IGSF3: variants seen among roughly 807,000 people sequenced by gnomAD.
IGSF3 encodes glu-Trp-Ile EWI motif-containing protein 3.
In IGSF3, 23 loss-of-function variants were observed where a neutral mutation model predicts 114.4. The ratio of observed to expected loss-of-function variants is 0.20; its 90% confidence interval spans 0.14 to 0.28. The LOEUF is 0.28. Among genes scored for constraint, IGSF3 ranks in the 10% least tolerant of loss-of-function variants. IGSF3 has a pLI of 1.00. For missense variants in IGSF3, 1,172 were observed against 1,591.5 expected, an observed-to-expected ratio of 0.74 and a Z score of 4.48; for synonymous variants, 571 against 645.2, an observed-to-expected ratio of 0.88 and a Z score of 1.74.
rs1445960755 is a variant in IGSF3, at chr1:116,596,012, G to A, written c.2029+3929C>T. Among the ~76,000 whole-genome samples, 1 of 152,216 alleles carries A rather than the reference G, an allele frequency of 6.6e-6. No homozygotes were observed. Among genetic ancestry groups the A allele is most frequent in the Non-Finnish European group, 1.5e-5 (1 of 68,044 alleles). Reference sequence around the variant, plus strand: ...ATGGCATTCCTTGAAGATTCTGTTGGGGATATGCATATGCAACAGGAAGCA... The same window carrying A: ...ATGGCATTCCTTGAAGATTCTGTTGAGGATATGCATATGCAACAGGAAGCA... On this transcript the variant is annotated intron_variant, in intron 7 of 10. Transcript: ENST00000369486. The surrounding 1 kb of genome is among the most constrained non-coding windows in gnomAD (Gnocchi z 4.1).
chr1:116,580,430 C>T (rs1046765200), intron 9 of IGSF3, among the ~76,000 whole-genome samples: 1 of 152,138 alleles, frequency 6.6e-6, no homozygotes, highest in African/African-American at 2.4e-5. Flanking sequence ...TCATAACCCA[C>T]GATGTGACTA....
chr1:116,590,125 G>A (rs77953883), intron 7 of IGSF3, among the ~76,000 whole-genome samples: 1 of 151,998 alleles, frequency 6.6e-6, no homozygotes, highest in East Asian at 1.9e-4. Flanking sequence ...AGTAAACCAC[G>A]GGACAAGGCA....
At chr1:116,606,676 A>G in intron 5 of IGSF3, 1 of 619,230 alleles carries the variant, frequency 1.6e-6, no homozygotes. Flanking sequence ...TCCTTAGAAA[A>G]CAATGAGGAA....
chr1:116,641,651 C>T (rs1222863910), intron 2 of IGSF3, among the ~76,000 whole-genome samples: 1 of 151,894 alleles, frequency 6.6e-6, no homozygotes, highest in African/African-American at 2.4e-5. Flanking sequence ...CAGCAGACAG[C>T]CGTTCAGAAC....
rs1660982984 is a variant in IGSF3 at position 116,610,590 on chromosome 1, A to C, written c.833-2259T>G. Among the ~76,000 whole-genome samples, 1 of 151,792 alleles carries C rather than the reference A, an allele frequency of 6.6e-6. No homozygotes were observed. Among genetic ancestry groups the C allele is most frequent in the South Asian group, 2.1e-4 (1 of 4,796 alleles). On this transcript the variant is annotated intron_variant, in intron 4 of 10. Coordinates refer to ENST00000369486, the MANE Select transcript of IGSF3 (RefSeq NM_001007237.3). The surrounding 1 kb of genome is among the most constrained non-coding windows in gnomAD (Gnocchi z 4.3). Reference sequence around the variant, plus strand: ...CCACCCTACCCCTACCCCCATCCTAACCAAAGGCTTTCCTCAAGCAGGTTG... The same window carrying C: ...CCACCCTACCCCTACCCCCATCCTACCCAAAGGCTTTCCTCAAGCAGGTTG...
chr1:116,641,495 C>CAAAAAAAAAAAAAAAAAAAAAAAAAAA (rs57930787), intron 2 of IGSF3, among the ~76,000 whole-genome samples: 1 of 40,694 alleles, frequency 2.5e-5, no homozygotes, highest in African/African-American at 8.8e-5. Flanking sequence ...GACTCTGTCT[C>CAAAAAAAAAAAAAAAAAAAAAAAAAAA]AAAAAAAAAA....
In IGSF3 at chr1:116,579,647, GGTCGTCGTCGTCGTC is replaced by G; in HGVS notation, c.3064_3078del (p.Asp1022_Asp1026del). On this transcript the variant is annotated inframe_deletion, in exon 10 of 11. Coordinates refer to ENST00000369486, the MANE Select transcript of IGSF3 (RefSeq NM_001007237.3). The surrounding 1 kb of genome is among the most constrained non-coding windows in gnomAD (Gnocchi z 6.4). The stretch of plus-strand genomic sequence containing the variant: ...CTCAGCAGGGCCGTCCGCTCTGTTG[GGTCGTCGTCGTCGTC>G]GTCGTCCTCCTCCTCCTCCTCCTCC... 1 of 1,595,814 alleles carries G rather than the reference GGTCGTCGTCGTCGTC, an allele frequency of 6.3e-7. No homozygotes were observed. The highest frequency in any genetic ancestry group is 8.6e-7 in the Non-Finnish European group (1 of 1,166,930).
chr1:116,594,958 G>A lies in IGSF3; in HGVS notation c.2029+4983C>T, dbSNP rs55726686. 0.083 allele frequency among the ~76,000 whole-genome samples: 12,474 copies of A among 150,640 alleles called. 578 individuals are homozygous for A. Among genetic ancestry groups the A allele is most frequent in the East Asian group, 0.13 (665 of 5,020 alleles). On this transcript the variant is annotated intron_variant, in intron 7 of 10. Transcript: ENST00000369486. This position sits in a 1 kb window ranked among gnomAD's most constrained non-coding sequence, Gnocchi z 5.2. ...CTGGCTCTGCCTCCACACCTGTAAC[G>A]CTTTTCTGCTCTCCTTTGTCCCTAG...
intron 7 of IGSF3, among the ~76,000 whole-genome samples, chr1:116,597,804 G>A (rs1461894522): frequency 6.6e-6 from 1 of 152,208 alleles, no homozygotes; most frequent in African/African-American, 2.4e-5. Context: ...TCCAATCTCA[G>A]TTCAAATCTC....
intron 6 of IGSF3, among the ~76,000 whole-genome samples, chr1:116,602,886 T>A (rs918696673): frequency 6.6e-6 from 1 of 152,218 alleles, no homozygotes; most frequent in African/African-American, 2.4e-5. Flanking sequence ...GAGAAGCAAA[T>A]CTAATCTTCC....
At position 116,600,326 on chromosome 1, in the gene IGSF3, T is replaced by C. The variant is rs1296055070; in HGVS notation, c.1644A>G (p.Thr548=). 1 of 1,609,230 alleles carries C rather than the reference T, an allele frequency of 6.2e-7. No homozygotes were observed. Among genetic ancestry groups the C allele is most frequent in the Non-Finnish European group, 8.5e-7 (1 of 1,177,012 alleles). The change falls in exon 7 of 11, where the codon ACA becomes ACG. Residue 548 remains threonine, a synonymous_variant. Coordinates refer to ENST00000369486, the MANE Select transcript of IGSF3 (RefSeq NM_001007237.3). This position sits in a 1 kb window ranked among gnomAD's most constrained non-coding sequence, Gnocchi z 5.5. ...ITALEMGFAV[T]AISRTPGVTY... Reference sequence around the variant, plus strand: ...TCACCCCCGGTGTCCGGGAGATGGCTGTGACTGCGAAGCCCATTTCTGGAG... The same window carrying C: ...TCACCCCCGGTGTCCGGGAGATGGCCGTGACTGCGAAGCCCATTTCTGGAG...
Position 116,577,480 on chromosome 1 carries a change from A to C in IGSF3, c.3417T>G (p.Ile1139Met). ...VFFYPFPIFG[I>M]LIITILLVRF... ...GCACCAGAAGGATGGTGATGATAAG[A>C]ATGCCAAAGATGGGGAAAGGGTAGA... Residue 1139 changes from isoleucine (I) to methionine (M), a missense_variant, in exon 11 of 11, where the codon ATT (isoleucine) becomes ATG (methionine). Physicochemically the swap from Ile to Met is conservative, Grantham distance 10. Around this residue, in one of 3 missense-constraint regions of IGSF3, gnomAD observed 423 missense variants for 509.8 expected, o/e 0.83. Coordinates refer to ENST00000369486, the MANE Select transcript of IGSF3 (RefSeq NM_001007237.3). This position sits in a 1 kb window ranked among gnomAD's most constrained non-coding sequence, Gnocchi z 5.7. 6.2e-7 allele frequency: 1 copy of C among 1,614,160 alleles called. No individual in the cohort carries two copies. The highest frequency in any genetic ancestry group is 8.5e-7 in the Non-Finnish European group (1 of 1,180,022).
rs76222434 is a variant in IGSF3, at chr1:116,581,992, A to G, written c.2849-2115T>C. ...AGTGGAACTTATCATGGCCAGGGGCAAGATGGCCAGAGACCATCAGTTGAG... is the reference window on the plus strand; with the variant it reads ...AGTGGAACTTATCATGGCCAGGGGCGAGATGGCCAGAGACCATCAGTTGAG... On this transcript the variant is annotated intron_variant, in intron 9 of 10. Coordinates refer to ENST00000369486, the MANE Select transcript of IGSF3 (RefSeq NM_001007237.3). Among the ~76,000 whole-genome samples, 698 of 152,330 alleles carry G rather than the reference A, an allele frequency of 4.6e-3. 4 individuals carry two copies. The highest frequency in any genetic ancestry group is 8.1e-3 in the Admixed American group (124 of 15,310).
rs1378384436 is a variant in IGSF3, at chr1:116,648,123, T to C, written c.43+18161A>G. ...CCTCTCAAAAAAAGAAAAAAAAGAG[T>C]GGCTACCCAAGAACGCAACAGCAGC... On this transcript the variant is annotated intron_variant, in intron 2 of 10. Coordinates refer to ENST00000369486, the MANE Select transcript of IGSF3 (RefSeq NM_001007237.3). This position sits in a 1 kb window ranked among gnomAD's most constrained non-coding sequence, Gnocchi z 4.7. Among the ~76,000 whole-genome samples the C allele has an allele frequency of 2.0e-5, 3 of 151,308 alleles. No homozygotes were observed. The highest frequency in any genetic ancestry group is 6.6e-5 in the Admixed American group (1 of 15,190).
intron 2 of IGSF3, among the ~76,000 whole-genome samples, chr1:116,641,648 C>T (rs1648109759): frequency 6.6e-6 from 1 of 151,848 alleles, no homozygotes. Context: ...CTGCAGCAGA[C>T]AGCCGTTCAG....
At chr1:116,626,096 C>T (rs2101032255) in intron 2 of IGSF3, among the ~76,000 whole-genome samples, 1 of 152,286 alleles carries the variant, frequency 6.6e-6, no homozygotes, top group African/African-American at 2.4e-5. Context: ...TTTAAACATG[C>T]TACTATTTAC....
chr1:116,576,859 T>C lies in IGSF3; in HGVS notation c.*453A>G, dbSNP rs1016125856. The C allele has an allele frequency of 6.4e-6, 1 of 155,852 alleles. No homozygotes were observed. The highest frequency in any genetic ancestry group is 1.9e-4 in the East Asian group (1 of 5,254). 9.7% of individuals were successfully genotyped at this position (155,852 alleles called of 1,614,324 possible). A position where few individuals can be genotyped will look rare whatever the true frequency, so the allele number is the denominator to read the frequency against. On this transcript the variant is annotated 3_prime_UTR_variant, in exon 11 of 11. Coordinates refer to ENST00000369486, the MANE Select transcript of IGSF3 (RefSeq NM_001007237.3). The surrounding 1 kb of genome is among the most constrained non-coding windows in gnomAD (Gnocchi z 4.6). Reference sequence around the variant, plus strand: ...TGCAAAAACAAAGTCTTGGAAGAGATTCCTTGTCACTAGAAAGTTCGCCCT... The same window carrying C: ...TGCAAAAACAAAGTCTTGGAAGAGACTCCTTGTCACTAGAAAGTTCGCCCT...
intron 4 of IGSF3, among the ~76,000 whole-genome samples, chr1:116,611,383 GGTGCACATAC>G (rs1661012441): frequency 6.6e-6 from 1 of 152,044 alleles, no homozygotes; most frequent in African/African-American, 2.4e-5. Flanking sequence ...TGCACTCCTG[GGTGCACATAC>G]GTGCACATGA....
At chr1:116,620,136 C>T (rs1180416871) in intron 2 of IGSF3, among the ~76,000 whole-genome samples, 2 of 152,090 alleles carry the variant, frequency 1.3e-5, no homozygotes, top group African/African-American at 4.8e-5. Context: ...TCCTAAACCC[C>T]TTGGAACTTC....
Sources: gnomAD v4.1 joint callset for allele counts (sites outside exome capture counted in the v4.1 genomes callset) on GRCh38, gnomAD v4.1.1 for gene constraint, gnomAD v4.1.1 regional missense constraint, Gnocchi (gnomAD v3.1) non-coding constraint, MANE v1.5 for transcripts, NCBI Gene and HGNC (gene_info 2026-07-23, HGNC 2026-07-21) for gene names.